The following TBCE variants were observed in gnomAD, a reference collection of about 807,000 sequenced individuals.
The protein encoded by TBCE is tubulin-specific chaperone E.
Under a neutral mutation model 77.0 loss-of-function variants are expected in TBCE, and 53 were observed. That is an observed-to-expected ratio of 0.69 (90% CI 0.55 to 0.87). The LOEUF (loss-of-function observed/expected upper bound fraction) is 0.87, where lower values mean the gene tolerates loss of function less well. Ranked by LOEUF, TBCE falls within the 40% of genes least tolerant of loss-of-function variation. The pLI is 0.00. For synonymous variants in TBCE, 235 were observed against 241.3 expected (o/e 0.97, Z 0.24); for missense variants, 624 against 622.4 (o/e 1.00, Z -0.03).
Position 235,378,189 on chromosome 1 carries a change from G to A in TBCE, c.-31-1830G>A, listed in dbSNP as rs539786546. Among the ~76,000 whole-genome samples the A allele has an allele frequency of 2.0e-5, 3 of 152,172 alleles. No individual in the cohort carries two copies. In the East Asian group the frequency reaches 5.8e-4, roughly 29 times the overall value. ...TGTAACTTGTCGTTTAAAAATCCTT[G>A]TACTTCAACACTGTTATCTTTTATT... On this transcript the variant is annotated intron_variant, in intron 1 of 16. Transcript: ENST00000642610.
intron 2 of TBCE, among the ~76,000 whole-genome samples, chr1:235,394,418 CTTTTTTTTT>C (rs386370043): frequency 2.2e-4 from 16 of 72,318 alleles, no homozygotes; most frequent in East Asian, 1.0e-3. Context: ...TTGATAATTT[CTTTTTTTTT>C]TTTTTTTTTT....
chr1:235,442,971 A>C (rs1681997741), intron 15 of TBCE, 60 bp downstream of exon 15: 3 of 1,564,598 alleles, frequency 1.9e-6, no homozygotes, highest in Non-Finnish European at 2.6e-6. Context: ...GGTATGAGTC[A>C]GCTAAAATTA....
intron 14 of TBCE, 118 bp from the exon 15 acceptor site, chr1:235,442,734 A>T (rs575097863): frequency 3.3e-6 from 3 of 907,652 alleles, no homozygotes; most frequent in South Asian, 2.9e-5. Flanking sequence ...AACATTGATT[A>T]GACCTGCCAA....
chr1:235,448,520 C>T (rs1177150853), intron 16 of TBCE, 80 bp downstream of exon 16: 1 of 1,451,670 alleles, frequency 6.9e-7, no homozygotes, highest in Non-Finnish European at 9.7e-7. Context: ...TAGATAGCAA[C>T]AGTTTGATTC....
Position 235,410,163 on chromosome 1 carries a change from C to G in TBCE, c.186-4270C>G, listed in dbSNP as rs368686477. Among the ~76,000 whole-genome samples, 8 of 143,810 alleles carry G rather than the reference C, an allele frequency of 5.6e-5. No homozygotes were observed. The South Asian group carries it at 1.7e-3, about 30-fold the overall frequency. 94.3% of individuals were successfully genotyped at this position (143,810 alleles called of 152,430 possible). ...CCGGGAGGCTGAGGCAGGAGAATTG[C>G]TTCAACCAGGGAGGCTGAGGTTGCA... On this transcript the variant is annotated intron_variant, in intron 3 of 16. Transcript: ENST00000642610.
At chr1:235,446,082 T>C (rs1682251816) in intron 15 of TBCE, among the ~76,000 whole-genome samples, 1 of 152,184 alleles carries the variant, frequency 6.6e-6, no homozygotes, top group South Asian at 2.1e-4. Context: ...GGGCAGTGTA[T>C]GGCTAGAGGA....
chr1:235,406,742 G>C (rs1679456232), intron 3 of TBCE, among the ~76,000 whole-genome samples: 1 of 151,414 alleles, frequency 6.6e-6, no homozygotes, highest in African/African-American at 2.4e-5. Flanking sequence ...ATATTGGCCA[G>C]ACTGGTCTCG....
Position 235,425,937 on chromosome 1 carries a change from C to T in TBCE, c.461-1203C>T, listed in dbSNP as rs566864599. 3.9e-5 allele frequency among the ~76,000 whole-genome samples: 6 copies of T among 152,322 alleles called. No homozygotes were observed. In the East Asian group the frequency reaches 1.2e-3, roughly 29 times the overall value. On this transcript the variant is annotated intron_variant, in intron 5 of 16. Coordinates refer to ENST00000642610, the MANE Select transcript of TBCE (RefSeq NM_003193.5). ...CTTTCCTGCATGCCCTGCTCTGTCC[C>T]TGAGCACAGACAGGCCTGCCTGTGA...
chr1:235,420,035 A>C (rs898119316), intron 5 of TBCE, among the ~76,000 whole-genome samples: 2 of 151,224 alleles, frequency 1.3e-5, no homozygotes. Flanking sequence ...CAGTGAGCTG[A>C]GATCGCGCCA....
At chr1:235,374,587 G>A (rs374813277) in intron 1 of TBCE, among the ~76,000 whole-genome samples, 12 of 145,416 alleles carry the variant, frequency 8.3e-5, no homozygotes, top group East Asian at 5.8e-4. Flanking sequence ...TGCAACCTCC[G>A]CCTCCTGGAT....
At chr1:235,408,432 A>ATT (rs34222562) in intron 3 of TBCE, among the ~76,000 whole-genome samples, 20 of 144,674 alleles carry the variant, frequency 1.4e-4, no homozygotes, top group African/African-American at 3.5e-4. Context: ...GTGTTGGAAG[A>ATT]TTTTTTTTTT....
At chr1:235,434,085 G>T in intron 7 of TBCE, 119 bp from the exon 8 acceptor site, 1 of 879,538 alleles carries the variant, frequency 1.1e-6, no homozygotes, top group Non-Finnish European at 1.9e-6. Context: ...TGAACTGTCC[G>T]TGAGGCACTT....
At chr1:235,432,923 T>TTTTTGTAAAAAA in intron 7 of TBCE, 2 of 1,185,566 alleles carry the variant, frequency 1.7e-6, no homozygotes, top group East Asian at 6.9e-5. Context: ...GTAATTTTTT[T>TTTTTGTAAAAAA]TTTTGTAAAA....
At position 235,370,982 on chromosome 1, in the gene TBCE, C is replaced by T. The variant is rs192222901; in HGVS notation, c.-32+3478C>T. Among the ~76,000 whole-genome samples the T allele has an allele frequency of 7.5e-5, 11 of 146,420 alleles. No individual in the cohort carries two copies. The East Asian group carries it at 1.2e-3, about 16-fold the overall frequency. Reference sequence around the variant, plus strand: ...GTCTTGAACTCCTGACCTCATGATCCGCCCGCCTCAGCTTCCCAAAGTGCT... The same window carrying T: ...GTCTTGAACTCCTGACCTCATGATCTGCCCGCCTCAGCTTCCCAAAGTGCT... On this transcript the variant is annotated intron_variant, in intron 1 of 16. Transcript: ENST00000642610.
intron 2 of TBCE, among the ~76,000 whole-genome samples, chr1:235,400,217 C>T (rs1679011670): frequency 1.3e-5 from 2 of 152,044 alleles, no homozygotes; most frequent in South Asian, 4.2e-4. Context: ...TTATTTTAAA[C>T]CCGAAGAACT....
At chr1:235,392,530 C>A (rs1157907032) in intron 2 of TBCE, among the ~76,000 whole-genome samples, 1 of 150,908 alleles carries the variant, frequency 6.6e-6, no homozygotes, top group African/African-American at 2.4e-5. Flanking sequence ...CCTGCCTTAG[C>A]CTGCCGAGTA....
chr1:235,419,710 T>C, intron 5 of TBCE, 149 bp downstream of exon 5: 1 of 1,109,360 alleles, frequency 9.0e-7, no homozygotes, highest in Non-Finnish European at 1.3e-6. Flanking sequence ...GGGGCCCAGA[T>C]AAATTATTTA....
At chr1:235,386,545 C>A (rs1411137657) in intron 2 of TBCE, among the ~76,000 whole-genome samples, 2 of 152,140 alleles carry the variant, frequency 1.3e-5, no homozygotes, top group African/African-American at 4.8e-5. Context: ...TCATTTCATT[C>A]ATTTCATCTT....
At chr1:235,392,340 G>A (rs966326581) in intron 2 of TBCE, among the ~76,000 whole-genome samples, 1 of 151,042 alleles carries the variant, frequency 6.6e-6, no homozygotes, top group African/African-American at 2.4e-5. Flanking sequence ...GGGTGACAGA[G>A]CAAGTCTCTG....
Sources: allele counts gnomAD v4.1 joint callset (sites outside exome capture counted in the v4.1 genomes callset), GRCh38; gene constraint gnomAD v4.1.1; transcripts MANE v1.5; gene names NCBI Gene and HGNC (gene_info 2026-07-23, HGNC 2026-07-21).